Variants in ZNF462 observed in about 807,000 individuals in gnomAD.
ZNF462 encodes the protein zinc finger protein 462, also known as zinc finger PBX1-interacting protein.
ZNF462 carries 10 observed loss-of-function variants against 201.9 expected under a neutral mutation model. The ratio of observed to expected loss-of-function variants is 0.05; its 90% confidence interval spans 0.03 to 0.08. The LOEUF is 0.08. ZNF462 is among the 10% of genes least tolerant of loss of function. The pLI, the probability that ZNF462 is intolerant of heterozygous loss-of-function variation, is 1.00. For synonymous variants in ZNF462, 1,227 were observed against 1,193.3 expected, an observed-to-expected ratio of 1.03 and a Z score of -0.58; for missense variants, 2,523 against 3,168.3, an observed-to-expected ratio of 0.80 and a Z score of 4.89.
At position 106,972,936 on chromosome 9, in the gene ZNF462, T is replaced by A. The variant is rs1826703861; in HGVS notation, c.6695+664T>A. ...CTCATCCTGTGAGATAGCGTTTAGG[T>A]TAGTGGTTACAAGTGTAGAGTGTGG... is the stretch of plus-strand genomic sequence containing the variant. On this transcript the variant is annotated intron_variant, in intron 8 of 12. Transcript: ENST00000277225. The surrounding 1 kb of genome is among the most constrained non-coding windows in gnomAD (Gnocchi z 4.8). Among the ~76,000 whole-genome samples, 1 of 152,094 alleles carries A rather than the reference T, an allele frequency of 6.6e-6. No homozygotes were observed. Among genetic ancestry groups the A allele is most frequent in the Non-Finnish European group, 1.5e-5 (1 of 68,026 alleles).
chr9:107,000,167 C>T (rs1205368804), intron 10 of ZNF462, among the ~76,000 whole-genome samples: 1 of 152,000 alleles, frequency 6.6e-6, no homozygotes, highest in Admixed American at 6.6e-5. Context: ...ATAGACTCCT[C>T]GAGGGCCTGA....
In ZNF462 at chr9:107,003,257, G is replaced by T; in HGVS notation, c.7057-37G>T. Reference sequence around the variant, plus strand: ...TCAGGGAGAACCCCATTTGGTCTGCGGTTTATTATTCCATCATTTGTTTGG... The same window carrying T: ...TCAGGGAGAACCCCATTTGGTCTGCTGTTTATTATTCCATCATTTGTTTGG... On this transcript the variant is annotated intron_variant, in intron 10 of 12. Coordinates refer to ENST00000277225, the MANE Select transcript of ZNF462 (RefSeq NM_021224.6). This position sits in a 1 kb window ranked among gnomAD's most constrained non-coding sequence, Gnocchi z 4.4. 6.2e-7 allele frequency: 1 copy of T among 1,611,154 alleles called. No individual in the cohort carries two copies. Among genetic ancestry groups the T allele is most frequent in the African/African-American group, 1.3e-5 (1 of 74,888 alleles).
chr9:106,874,789 A>G (rs1038058062), intron 1 of ZNF462, among the ~76,000 whole-genome samples: 5 of 152,132 alleles, frequency 3.3e-5, no homozygotes, highest in African/African-American at 1.2e-4. Flanking sequence ...TGAAGAACAG[A>G]TGTCAGCTGT....
Position 106,886,263 on chromosome 9 carries a change from C to T in ZNF462, c.-31+22908C>T, listed in dbSNP as rs551445135. Among the ~76,000 whole-genome samples, 2 of 152,112 alleles carry T rather than the reference C, an allele frequency of 1.3e-5. No individual in the cohort carries two copies. Among genetic ancestry groups the T allele is most frequent in the Non-Finnish European group, 2.9e-5 (2 of 68,008 alleles). ...CTCACTGGACCGCTCTTTAAACTTT[C>T]TCTGTCTTTTCATGACTTGGGTATG... On this transcript the variant is annotated intron_variant, in intron 1 of 12. Coordinates refer to ENST00000277225, the MANE Select transcript of ZNF462 (RefSeq NM_021224.6). The surrounding 1 kb of genome is among the most constrained non-coding windows in gnomAD (Gnocchi z 4.6).
In ZNF462 at chr9:107,003,488, A is replaced by AGGG; in HGVS notation, c.7189+63_7189+65dup. 6.3e-7 allele frequency: 1 copy of AGGG among 1,585,494 alleles called. No individual in the cohort carries two copies. Among genetic ancestry groups the AGGG allele is most frequent in the East Asian group, 2.3e-5 (1 of 44,158 alleles). On this transcript the variant is annotated intron_variant, in intron 11 of 12. Transcript: ENST00000277225. This position sits in a 1 kb window ranked among gnomAD's most constrained non-coding sequence, Gnocchi z 4.4. ...TCTGGCATGTCCGTAGTGAGACAGA[A>AGGG]GGGAGGCAGGAGGTTGTTGTAGGAG... is the stretch of plus-strand genomic sequence containing the variant.
chr9:106,973,788 C>T (rs774376896), intron 8 of ZNF462, among the ~76,000 whole-genome samples: 3 of 152,064 alleles, frequency 2.0e-5, no homozygotes, highest in South Asian at 2.1e-4. Flanking sequence ...TCTCTCTCCT[C>T]CCAAGCATGA....
At chr9:106,939,702 G>A (rs758041615) in intron 7 of ZNF462, among the ~76,000 whole-genome samples, 10 of 152,196 alleles carry the variant, frequency 6.6e-5, no homozygotes, top group South Asian at 2.1e-4. Context: ...GGAAGCCAGG[G>A]AGAGGGTCTC....
At chr9:106,983,913 G>GGGC in intron 9 of ZNF462, among the ~76,000 whole-genome samples, 1 of 152,112 alleles carries the variant, frequency 6.6e-6, no homozygotes, top group African/African-American at 2.4e-5. Flanking sequence ...TCAGGAATTA[G>GGGC]CAAGCACCTA....
intron 1 of ZNF462, among the ~76,000 whole-genome samples, chr9:106,893,525 A>T (rs1036865874): frequency 1.2e-4 from 19 of 152,212 alleles, no homozygotes; most frequent in African/African-American, 4.3e-4. Flanking sequence ...ATGCCCATGG[A>T]ACTTGTAAAC....
chr9:106,960,487 T>C (rs370950726), intron 7 of ZNF462, among the ~76,000 whole-genome samples: 38 of 152,236 alleles, frequency 2.5e-4, no homozygotes, highest in African/African-American at 7.9e-4. Context: ...TCAACACTTT[T>C]TGTTGGATTT....
intron 1 of ZNF462, among the ~76,000 whole-genome samples, chr9:106,871,286 AC>A (rs1378567213): frequency 6.6e-6 from 1 of 152,238 alleles, no homozygotes; most frequent in Non-Finnish European, 1.5e-5. Flanking sequence ...TTGAAAGGAT[AC>A]GTGGATTAGC....
intron 1 of ZNF462, among the ~76,000 whole-genome samples, chr9:106,864,435 G>T (rs1827239663): frequency 6.6e-6 from 1 of 152,094 alleles, no homozygotes; most frequent in Non-Finnish European, 1.5e-5. Context: ...TTCCAGGCAC[G>T]AGGGGAAGCC....
intron 9 of ZNF462, among the ~76,000 whole-genome samples, chr9:106,980,262 T>A (rs1827320004): frequency 6.6e-6 from 1 of 152,214 alleles, no homozygotes; most frequent in African/African-American, 2.4e-5. Context: ...TATATAAAAA[T>A]AATGTTATTT....
intron 11 of ZNF462, among the ~76,000 whole-genome samples, chr9:107,004,793 C>T (rs1348743679): frequency 6.6e-6 from 1 of 152,088 alleles, no homozygotes; most frequent in Admixed American, 6.6e-5. Context: ...ACTGTAGCCA[C>T]TGTGTTGTAC....
At position 107,008,398 on chromosome 9, in the gene ZNF462, GC is replaced by G. The variant is rs1367181624; in HGVS notation, c.7190-1141del. On this transcript the variant is annotated intron_variant, in intron 11 of 12. Coordinates refer to ENST00000277225, the MANE Select transcript of ZNF462 (RefSeq NM_021224.6). This position sits in a 1 kb window ranked among gnomAD's most constrained non-coding sequence, Gnocchi z 4.8. ...GTGCTGAAGATTAAGGCATCACAGA[GC>G]CCCCCATCCTGTTAACATCGTCCTG... is the stretch of plus-strand genomic sequence containing the variant. Among the ~76,000 whole-genome samples the G allele has an allele frequency of 6.6e-6, 1 of 152,114 alleles. No homozygotes were observed. Among genetic ancestry groups the G allele is most frequent in the East Asian group, 1.9e-4 (1 of 5,198 alleles).
At chr9:106,893,252 A>G (rs1377602435) in intron 1 of ZNF462, among the ~76,000 whole-genome samples, 1 of 152,134 alleles carries the variant, frequency 6.6e-6, no homozygotes, top group Admixed American at 6.6e-5. Context: ...AGAGACCCAA[A>G]CCTTGTCTTC....
chr9:106,967,922 T>C (rs1832154711), intron 7 of ZNF462, among the ~76,000 whole-genome samples: 1 of 152,210 alleles, frequency 6.6e-6, no homozygotes, highest in African/African-American at 2.4e-5. Context: ...TGTTAGTGTT[T>C]TCTTCCCTAT....
rs555508845 is a variant in ZNF462 at position 106,898,012 on chromosome 9, C to T, written c.-30-25342C>T. The stretch of plus-strand genomic sequence containing the variant: ...TTAGCAAATGTGTAATTCCTTATTT[C>T]GTCAGTGCTAAGTTGCACTTTTCCC... On this transcript the variant is annotated intron_variant, in intron 1 of 12. Coordinates refer to ENST00000277225, the MANE Select transcript of ZNF462 (RefSeq NM_021224.6). 6.6e-5 allele frequency among the ~76,000 whole-genome samples: 10 copies of T among 152,320 alleles called. No homozygotes were observed. The East Asian group carries it at 9.6e-4, about 15-fold the overall frequency.
At chr9:106,894,000 C>T (rs1350946244) in intron 1 of ZNF462, among the ~76,000 whole-genome samples, 1 of 152,194 alleles carries the variant, frequency 6.6e-6, no homozygotes, top group African/African-American at 2.4e-5. Flanking sequence ...GAATTACTGG[C>T]AACAGACTAT....
Sources: allele counts gnomAD v4.1 joint callset (sites outside exome capture counted in the v4.1 genomes callset), GRCh38; gene constraint gnomAD v4.1.1; non-coding constraint Gnocchi (gnomAD v3.1); transcripts MANE v1.5; gene names NCBI Gene and HGNC (gene_info 2026-07-23, HGNC 2026-07-21).